Variants in DPYD observed in about 807,000 individuals in gnomAD.
The protein encoded by DPYD is dihydropyrimidine dehydrogenase [NADP(+)].
Under a neutral mutation model 116.2 loss-of-function variants are expected in DPYD, and 109 were observed. That is an observed-to-expected ratio of 0.94 (90% CI 0.80 to 1.10). DPYD has a LOEUF of 1.10. DPYD is among the 50% of genes least tolerant of loss of function. DPYD has a pLI of 0.00. For missense variants in DPYD, 1,302 were observed against 1,254.5 expected, an observed-to-expected ratio of 1.04 and a Z score of -0.57; for synonymous variants, 440 against 432.0, an observed-to-expected ratio of 1.02 and a Z score of -0.23.
intron 11 of DPYD, among the ~76,000 whole-genome samples, chr1:97,560,407 T>C (rs923122644): frequency 1.3e-5 from 2 of 151,970 alleles, no homozygotes; most frequent in South Asian, 2.1e-4. Context: ...TGCAGTTAAA[T>C]AGTAAAGGCA....
intron 1 of DPYD, among the ~76,000 whole-genome samples, chr1:97,888,207 A>C (rs1428201313): frequency 6.6e-6 from 1 of 152,094 alleles, no homozygotes; most frequent in Non-Finnish European, 1.5e-5. Context: ...GTCTTGAAAA[A>C]TACAATAGCT....
chr1:97,828,286 T>C (rs150500419), intron 2 of DPYD, 90 bp from the exon 3 acceptor site: 7 of 1,214,040 alleles, frequency 5.8e-6, no homozygotes, highest in South Asian at 1.3e-5. Context: ...TTGATTATAT[T>C]GATCATGGAC....
Position 97,896,010 on chromosome 1 carries a change from C to T in DPYD, c.40-12636G>A, listed in dbSNP as rs543957790. Among the ~76,000 whole-genome samples, 26 of 151,814 alleles carry T rather than the reference C, an allele frequency of 1.7e-4. No homozygotes were observed. The South Asian group carries it at 5.0e-3, about 29-fold the overall frequency. On this transcript the variant is annotated intron_variant, in intron 1 of 22. Transcript: ENST00000370192. ...AAGATATAAAAATATAACACCCAAT[C>T]TTACACTGTAATTACATACTATTTG...
intron 3 of DPYD, among the ~76,000 whole-genome samples, chr1:97,762,594 G>A (rs940621478): frequency 6.6e-6 from 1 of 152,072 alleles, no homozygotes; most frequent in Non-Finnish European, 1.5e-5. Context: ...AACTTGATTA[G>A]TCATTCTCTA....
At chr1:97,257,435 GTA>G (rs60425146) in intron 18 of DPYD, among the ~76,000 whole-genome samples, 2,754 of 136,026 alleles carry the variant, frequency 0.02, 35 homozygotes, top group Non-Finnish European at 0.028. Context: ...ATATACATAC[GTA>G]TATATATATA....
chr1:97,687,289 C>T (rs1023668095), intron 7 of DPYD, among the ~76,000 whole-genome samples: 1 of 151,956 alleles, frequency 6.6e-6, no homozygotes, highest in Non-Finnish European at 1.5e-5. Context: ...AACAAACAAA[C>T]AAACAAACAA....
chr1:97,655,732 G>A (rs12406531), intron 8 of DPYD, among the ~76,000 whole-genome samples: 2 of 151,998 alleles, frequency 1.3e-5, no homozygotes, highest in Non-Finnish European at 2.9e-5. Context: ...CCTCCACCCC[G>A]CCCCAACCAA....
chr1:97,727,833 T>C (rs1008671245), intron 4 of DPYD, among the ~76,000 whole-genome samples: 5 of 151,926 alleles, frequency 3.3e-5, no homozygotes, highest in African/African-American at 4.8e-5. Flanking sequence ...TATTCTCTCA[T>C]AGCAAGTGGG....
chr1:97,640,230 T>A (rs530445905), intron 8 of DPYD, among the ~76,000 whole-genome samples: 6 of 152,262 alleles, frequency 3.9e-5, no homozygotes, highest in African/African-American at 1.4e-4. Context: ...AATCCAATTG[T>A]TGCATTTAAG....
intron 2 of DPYD, among the ~76,000 whole-genome samples, chr1:97,845,419 T>A (rs1449925209): frequency 6.6e-6 from 1 of 152,202 alleles, no homozygotes; most frequent in Non-Finnish European, 1.5e-5. Context: ...TGGGACGACC[T>A]GCCTACAGAA....
At chr1:97,369,735 T>C (rs1180298299) in intron 16 of DPYD, among the ~76,000 whole-genome samples, 3 of 152,190 alleles carry the variant, frequency 2.0e-5, no homozygotes, top group East Asian at 1.9e-4. Flanking sequence ...TCAGGGTTAT[T>C]GACACCGTTA....
At chr1:97,509,371 A>C (rs531713311) in intron 13 of DPYD, among the ~76,000 whole-genome samples, 4 of 152,094 alleles carry the variant, frequency 2.6e-5, no homozygotes, top group Admixed American at 2.6e-4. Flanking sequence ...TGGTGAACAA[A>C]CTGTTGTAGA....
chr1:97,287,647 C>G (rs1466527676), intron 18 of DPYD, among the ~76,000 whole-genome samples: 3 of 152,174 alleles, frequency 2.0e-5, no homozygotes, highest in African/African-American at 7.2e-5. Flanking sequence ...GCACCCCTCC[C>G]CCAGCCTCGC....
intron 18 of DPYD, among the ~76,000 whole-genome samples, chr1:97,243,276 T>C (rs1300766553): frequency 6.6e-6 from 1 of 152,002 alleles, no homozygotes; most frequent in Non-Finnish European, 1.5e-5. Flanking sequence ...AAGAAGCAAG[T>C]ATGAGTTAAC....
chr1:97,538,474 A>C (rs1650184939), intron 12 of DPYD, among the ~76,000 whole-genome samples: 1 of 152,194 alleles, frequency 6.6e-6, no homozygotes, highest in Non-Finnish European at 1.5e-5. Flanking sequence ...CAATCCCCTG[A>C]GATACTTAGT....
intron 2 of DPYD, among the ~76,000 whole-genome samples, chr1:97,857,830 G>C (rs1279691632): frequency 6.6e-6 from 1 of 152,016 alleles, no homozygotes; most frequent in Non-Finnish European, 1.5e-5. Context: ...ACTAGTGTCT[G>C]AAAGGGGTGC....
chr1:97,543,367 T>C (rs374073752), intron 12 of DPYD, among the ~76,000 whole-genome samples: 90 of 152,324 alleles, frequency 5.9e-4, no homozygotes, highest in African/African-American at 2.0e-3. Context: ...GCAAATTAAC[T>C]GATGAAATTT....
chr1:97,247,101 G>T (rs1255947868), intron 18 of DPYD, among the ~76,000 whole-genome samples: 1 of 152,038 alleles, frequency 6.6e-6, no homozygotes, highest in African/African-American at 2.4e-5. Context: ...TCATAATATA[G>T]AGAGCTTATA....
At chr1:97,261,341 T>C (rs1378556669) in intron 18 of DPYD, among the ~76,000 whole-genome samples, 1 of 152,046 alleles carries the variant, frequency 6.6e-6, no homozygotes, top group Non-Finnish European at 1.5e-5. Context: ...AGCTACTTTA[T>C]TGTAAATATA....
Sources: gnomAD v4.1 joint callset for allele counts (sites outside exome capture counted in the v4.1 genomes callset) on GRCh38, gnomAD v4.1.1 for gene constraint, MANE v1.5 for transcripts, NCBI Gene and HGNC (gene_info 2026-07-23, HGNC 2026-07-21) for gene names.